The following COG5 variants were observed in gnomAD, a reference collection of about 807,000 sequenced individuals.
COG5 encodes the protein conserved oligomeric Golgi complex subunit 5.
Under a neutral mutation model 110.4 loss-of-function variants are expected in COG5, and 86 were observed. The ratio of observed to expected loss-of-function variants is 0.78; its 90% confidence interval spans 0.65 to 0.93. The LOEUF (loss-of-function observed/expected upper bound fraction) is 0.93. Ranked by LOEUF, COG5 falls within the 40% of genes least tolerant of loss-of-function variation. The probability of loss-of-function intolerance (pLI) is 0.00; values close to 1 mark genes in which losing one functional copy is unlikely to be tolerated. For synonymous variants in COG5, 360 were observed against 334.6 expected (o/e 1.08, Z -0.83); for missense variants, 1,077 against 987.0 (o/e 1.09, Z -1.22).
At chr7:107,563,015 G>C (rs1288015509) in intron 1 of COG5, among the ~76,000 whole-genome samples, 1 of 152,142 alleles carries the variant, frequency 6.6e-6, no homozygotes, top group Non-Finnish European at 1.5e-5. Context: ...ATGGCCACTA[G>C]AGAAAAAATT....
chr7:107,420,663 A>G lies in COG5; in HGVS notation c.539-8031T>C, dbSNP rs1258603594. Among the ~76,000 whole-genome samples, 3 of 152,146 alleles carry G rather than the reference A, an allele frequency of 2.0e-5. No homozygotes were observed. The East Asian group carries it at 5.8e-4, about 29-fold the overall frequency. Reference sequence around the variant, plus strand: ...TTTTTAATAGATATGGGGTTTCACCATGTTAGCCAGGATGGTCTCGATCTC... The same window carrying G: ...TTTTTAATAGATATGGGGTTTCACCGTGTTAGCCAGGATGGTCTCGATCTC... On this transcript the variant is annotated intron_variant, in intron 6 of 21. Transcript: ENST00000297135.
rs1350160238 is a variant in COG5 at position 107,203,342 on chromosome 7, A to AT, written c.*173dup. The AT allele has an allele frequency of 3.1e-5, 19 of 621,828 alleles. No homozygotes were observed. Among genetic ancestry groups the AT allele is most frequent in the African/African-American group, 9.2e-5 (5 of 54,336 alleles). 38.5% of individuals were successfully genotyped at this position (621,828 alleles called of 1,614,324 possible). A position where few individuals can be genotyped will look rare whatever the true frequency, so the allele number is the denominator to read the frequency against. On this transcript the variant is annotated 3_prime_UTR_variant, in exon 22 of 22. Coordinates refer to ENST00000297135, the MANE Select transcript of COG5 (RefSeq NM_006348.5). The stretch of plus-strand genomic sequence containing the variant: ...AATTGAAAGGTGGTGATAACTCAAC[A>AT]TTTTTTATGCTAAAGTATAAGTGCT...
chr7:107,268,548 AGGATATAATTCCAGTGT>A (rs2116700423), intron 14 of COG5, among the ~76,000 whole-genome samples: 1 of 152,332 alleles, frequency 6.6e-6, no homozygotes, highest in South Asian at 2.1e-4. Flanking sequence ...GTAGTTTTAA[AGGATATAATTCCAGTGT>A]GGCTTGACTG....
At chr7:107,343,250 A>T (rs1315506388) in intron 10 of COG5, among the ~76,000 whole-genome samples, 2 of 152,190 alleles carry the variant, frequency 1.3e-5, no homozygotes, top group African/African-American at 4.8e-5. Context: ...AAAGGTTGAA[A>T]AACTGTTGGG....
chr7:107,208,253 C>A (rs1043553446), intron 21 of COG5: 9 of 985,256 alleles, frequency 9.1e-6, no homozygotes, highest in Non-Finnish European at 1.1e-5. Flanking sequence ...GATGGATATG[C>A]CTTTTTAAAA....
At chr7:107,503,664 T>A (rs1377424039) in intron 6 of COG5, among the ~76,000 whole-genome samples, 2 of 152,218 alleles carry the variant, frequency 1.3e-5, no homozygotes, top group African/African-American at 4.8e-5. Flanking sequence ...GTTTGTGTCA[T>A]CCACGTTTTC....
At chr7:107,554,173 G>A (rs1253050744) in intron 3 of COG5, 112 bp downstream of exon 3, 3 of 855,412 alleles carry the variant, frequency 3.5e-6, no homozygotes, top group East Asian at 5.1e-5. Context: ...AGTTGCAACA[G>A]AGACTGTATG....
intron 19 of COG5, among the ~76,000 whole-genome samples, chr7:107,215,452 G>C (rs953758487): frequency 5.9e-5 from 9 of 152,100 alleles, no homozygotes; most frequent in African/African-American, 2.2e-4. Flanking sequence ...TGGATCACAA[G>C]GTCAGGAGAT....
intron 8 of COG5, among the ~76,000 whole-genome samples, chr7:107,365,460 C>G (rs1272175915): frequency 6.6e-6 from 1 of 151,602 alleles, no homozygotes; most frequent in Non-Finnish European, 1.5e-5. Flanking sequence ...GAGATGACAC[C>G]TTAGATCATT....
chr7:107,251,126 A>C (rs1489236765), intron 16 of COG5, among the ~76,000 whole-genome samples: 2 of 149,826 alleles, frequency 1.3e-5, no homozygotes, highest in African/African-American at 2.5e-5. Context: ...AAAATCTTGA[A>C]ACTAGCCAAA....
chr7:107,305,623 T>C (rs1275536303), intron 11 of COG5, among the ~76,000 whole-genome samples: 1 of 152,032 alleles, frequency 6.6e-6, no homozygotes, highest in African/African-American at 2.4e-5. Context: ...GTCATCAAGG[T>C]ATCAACCATG....
intron 16 of COG5, among the ~76,000 whole-genome samples, chr7:107,252,134 TC>T (rs1009878460): frequency 1.3e-5 from 2 of 152,010 alleles, no homozygotes; most frequent in African/African-American, 4.8e-5. Flanking sequence ...AGCAGAAGGA[TC>T]CCTTGAGCCC....
intron 6 of COG5, among the ~76,000 whole-genome samples, chr7:107,494,600 A>G (rs985503067): frequency 2.0e-5 from 3 of 152,222 alleles, no homozygotes; most frequent in Admixed American, 6.5e-5. Context: ...GTAGTAGGCT[A>G]CATCATCTAG....
chr7:107,370,802 T>TA (rs1554425112), intron 8 of COG5, among the ~76,000 whole-genome samples: 2 of 143,372 alleles, frequency 1.4e-5, no homozygotes, highest in African/African-American at 5.1e-5. Flanking sequence ...AAAAAAAAAT[T>TA]TATATATATA....
chr7:107,544,542 G>C (rs573780169), intron 5 of COG5, among the ~76,000 whole-genome samples: 1 of 152,180 alleles, frequency 6.6e-6, no homozygotes, highest in African/African-American at 2.4e-5. Flanking sequence ...CACCAGACCT[G>C]TGCACCTGCT....
chr7:107,404,885 G>GA (rs59988899), intron 7 of COG5, among the ~76,000 whole-genome samples: 750 of 32,148 alleles, frequency 0.023, 8 homozygotes, highest in Non-Finnish European at 0.028. Context: ...TTCAGAAGAT[G>GA]AAAAAAAAAA....
intron 12 of COG5, among the ~76,000 whole-genome samples, chr7:107,287,804 T>C (rs1333446082): frequency 6.6e-6 from 1 of 152,130 alleles, no homozygotes; most frequent in Non-Finnish European, 1.5e-5. Flanking sequence ...TCAAGGTTCA[T>C]CCATGTTGCA....
At chr7:107,410,201 A>G (rs1244315674) in intron 7 of COG5, among the ~76,000 whole-genome samples, 1 of 152,206 alleles carries the variant, frequency 6.6e-6, no homozygotes, top group African/African-American at 2.4e-5. Context: ...CTACTGAATC[A>G]GAAATTCTGG....
At chr7:107,379,049 C>T (rs758107562) in intron 7 of COG5, among the ~76,000 whole-genome samples, 2 of 152,178 alleles carry the variant, frequency 1.3e-5, no homozygotes, top group Non-Finnish European at 2.9e-5. Flanking sequence ...CAAAGGGAAG[C>T]CCATCAGACT....
Sources: allele counts gnomAD v4.1 joint callset (sites outside exome capture counted in the v4.1 genomes callset), GRCh38; gene constraint gnomAD v4.1.1; transcripts MANE v1.5; gene names NCBI Gene and HGNC (gene_info 2026-07-23, HGNC 2026-07-21).